The following TREM1 variants were observed in gnomAD, a reference collection of about 807,000 sequenced individuals.
TREM1 encodes the protein triggering receptor expressed on myeloid cells 1.
TREM1 carries 16 observed loss-of-function variants against 22.4 expected under a neutral mutation model. The observed-to-expected ratio is 0.71, with a 90% CI of 0.48 to 1.08. The LOEUF is 1.08. Among genes scored for constraint, TREM1 ranks in the 50% least tolerant of loss-of-function variants. TREM1 has a pLI of 0.00. For synonymous variants in TREM1, 110 were observed against 111.6 expected (o/e 0.99, Z 0.09); for missense variants, 283 against 282.9 (o/e 1.00, Z 0.00).
At chr6:41,279,325 T>C (rs1245284731) in intron 3 of TREM1, among the ~76,000 whole-genome samples, 2 of 152,250 alleles carry the variant, frequency 1.3e-5, no homozygotes, top group Non-Finnish European at 2.9e-5. Flanking sequence ...TGGGGAGCGC[T>C]TTCTCGCTTA....
At chr6:41,284,189 G>A (rs565733144) in intron 1 of TREM1, among the ~76,000 whole-genome samples, 2 of 152,208 alleles carry the variant, frequency 1.3e-5, no homozygotes, top group South Asian at 2.1e-4. Context: ...CTGAAACACT[G>A]GACAATATCT....
chr6:41,281,324 G>T lies in TREM1; in HGVS notation c.407-171C>A, dbSNP rs555737012. 4.6e-5 allele frequency: 35 copies of T among 754,440 alleles called. No homozygotes were observed. The African/African-American group carries it at 5.6e-4, about 12-fold the overall frequency. The allele number at this position is 754,440 out of a possible 1,614,324, so 46.7% of individuals were successfully genotyped here. A position where few individuals can be genotyped will look rare whatever the true frequency, so the allele number is the denominator to read the frequency against. On this transcript the variant is annotated intron_variant, in intron 2 of 3. Coordinates refer to ENST00000244709, the MANE Select transcript of TREM1 (RefSeq NM_018643.5). ...GAAATGAGCATGGCCCAAATGCAAA[G>T]TTTTCCTTTGCTAAAGCCAAAGAAA...
At chr6:41,280,468 C>A in intron 3 of TREM1, 1 of 1,008,566 alleles carries the variant, frequency 9.9e-7, no homozygotes, top group Admixed American at 5.2e-5. Flanking sequence ...TTAGCCCCAG[C>A]TCCAGCTCCT....
intron 3 of TREM1, chr6:41,280,642 C>A: frequency 7.3e-7 from 1 of 1,377,188 alleles, no homozygotes; most frequent in East Asian, 2.8e-5. Flanking sequence ...AGAGTGCTTT[C>A]CCACTGCCCA....
intron 3 of TREM1, among the ~76,000 whole-genome samples, chr6:41,268,390 C>T (rs764079000): frequency 1.6e-4 from 24 of 152,314 alleles, no homozygotes; most frequent in Non-Finnish European, 2.4e-4. Context: ...TAACAGTATG[C>T]GCTCAGTCTT....
chr6:41,269,583 T>C (rs368339309), downstream of TREM1, among the ~76,000 whole-genome samples: 1 of 152,218 alleles, frequency 6.6e-6, no homozygotes, highest in East Asian at 1.9e-4. Flanking sequence ...ATTAACCAGT[T>C]TCTCTAGCGG....
downstream of TREM1, among the ~76,000 whole-genome samples, chr6:41,271,631 C>T (rs755797196): frequency 9.9e-5 from 15 of 152,164 alleles, no homozygotes; most frequent in Non-Finnish European, 1.6e-4. Flanking sequence ...GATATCAGCA[C>T]AGTGCTGGGG....
downstream of TREM1, among the ~76,000 whole-genome samples, chr6:41,272,240 G>A (rs1767501330): frequency 6.6e-6 from 1 of 152,080 alleles, no homozygotes; most frequent in African/African-American, 2.4e-5. Context: ...GGAACACTCA[G>A]TTGCTTCCCT....
downstream of TREM1, among the ~76,000 whole-genome samples, chr6:41,268,949 A>G (rs1026777517): frequency 6.6e-6 from 1 of 152,186 alleles, no homozygotes; most frequent in Admixed American, 6.5e-5. Flanking sequence ...TGGGTTCAGT[A>G]GATTCCAACC....
intron 2 of TREM1, chr6:41,282,175 C>T (rs977802619): frequency 3.8e-6 from 2 of 522,530 alleles, no homozygotes; most frequent in Non-Finnish European, 3.4e-6. Flanking sequence ...CTTAATTGTA[C>T]CCCAATTCCT....
rs1767557603 is a variant in TREM1 at position 41,273,746 on chromosome 6, G to T, written c.*2379C>A. On this transcript the variant is annotated 3_prime_UTR_variant, in exon 4 of 4. Coordinates refer to ENST00000244709, the MANE Select transcript of TREM1 (RefSeq NM_018643.5). ...CTACAGAGGAGAGGATGGAACAGGT[G>T]GCTGGACTTGGAGATGGGAGCTGTT... is the stretch of plus-strand genomic sequence containing the variant. 6.6e-6 allele frequency among the ~76,000 whole-genome samples: 1 copy of T among 152,236 alleles called. No homozygotes were observed. The highest frequency in any genetic ancestry group is 1.5e-5 in the Non-Finnish European group (1 of 68,034).
rs982248046 is a variant in TREM1, at chr6:41,276,689, T to C, written c.600-459A>G. On this transcript the variant is annotated intron_variant, in intron 3 of 3. Coordinates refer to ENST00000244709, the MANE Select transcript of TREM1 (RefSeq NM_018643.5). ...GCGAAATGATTCTAAGGTTTCTGGGTAAACATCAATAGGTATCATAATAAA... is the reference window on the plus strand; with the variant it reads ...GCGAAATGATTCTAAGGTTTCTGGGCAAACATCAATAGGTATCATAATAAA... Among the ~76,000 whole-genome samples, 5 of 152,174 alleles carry C rather than the reference T, an allele frequency of 3.3e-5. 1 individual carries two copies. Among genetic ancestry groups the C allele is most frequent in the Admixed American group, 3.3e-4 (5 of 15,286 alleles).
At chr6:41,277,771 T>C (rs1423695725) in intron 3 of TREM1, among the ~76,000 whole-genome samples, 2 of 152,160 alleles carry the variant, frequency 1.3e-5, no homozygotes, top group Non-Finnish European at 2.9e-5. Context: ...CCAGAGCTCC[T>C]TAACAAGACT....
intron 1 of TREM1, among the ~76,000 whole-genome samples, chr6:41,285,591 G>T (rs767232667): frequency 6.6e-6 from 1 of 152,176 alleles, no homozygotes; most frequent in Non-Finnish European, 1.5e-5. Flanking sequence ...GGAGCATTGA[G>T]GTTAACCCCT....
At chr6:41,285,083 T>C (rs1768101920) in intron 1 of TREM1, among the ~76,000 whole-genome samples, 1 of 152,212 alleles carries the variant, frequency 6.6e-6, no homozygotes, top group Non-Finnish European at 1.5e-5. Flanking sequence ...TTGCCACCAC[T>C]GAAGCCCTAA....
At position 41,281,105 on chromosome 6, in the gene TREM1, T is replaced by C. The variant is rs977204925; in HGVS notation, c.455A>G (p.Tyr152Cys). 1.9e-6 allele frequency: 3 copies of C among 1,614,192 alleles called. No individual in the cohort carries two copies. The highest frequency in any genetic ancestry group is 2.2e-5 in the East Asian group (1 of 44,886). Reference sequence around the variant, plus strand: ...CTTAGTGGTGGTAGGAGGAATCTTATACACATTCTGGGTAGAATTCTCATT... The same window carrying C: ...CTTAGTGGTGGTAGGAGGAATCTTACACACATTCTGGGTAGAATTCTCATT... ...GSNENSTQNVYKIPPTTTKAL... is the reference protein window; with the variant it reads ...GSNENSTQNVCKIPPTTTKAL... The change falls in exon 3 of 4, where the codon TAT (tyrosine) becomes TGT (cysteine). Residue 152 changes from tyrosine to cysteine, a missense_variant. By Grantham distance (194) the Tyr-to-Cys change is radical. Transcript: ENST00000244709.
chr6:41,279,858 G>C, intron 3 of TREM1: 1 of 984,144 alleles, frequency 1.0e-6, no homozygotes, highest in Non-Finnish European at 1.2e-6. Context: ...AATGATATCA[G>C]TGTTTAAATT....
At chr6:41,271,551 C>T (rs1767479504), downstream of TREM1, among the ~76,000 whole-genome samples, 1 of 152,190 alleles carries the variant, frequency 6.6e-6, no homozygotes, top group South Asian at 2.1e-4. Flanking sequence ...TCTACTAACG[C>T]CTCCTCTGCA....
At chr6:41,276,847 C>A (rs1767691293) in intron 3 of TREM1, among the ~76,000 whole-genome samples, 1 of 151,984 alleles carries the variant, frequency 6.6e-6, no homozygotes, top group Admixed American at 6.6e-5. Flanking sequence ...AGATGCAGAG[C>A]CAGTGCTATG....
Sources: allele counts gnomAD v4.1 joint callset (sites outside exome capture counted in the v4.1 genomes callset), GRCh38; gene constraint gnomAD v4.1.1; transcripts MANE v1.5; gene names NCBI Gene and HGNC (gene_info 2026-07-23, HGNC 2026-07-21).